The following CHD9 variants were observed in gnomAD, a reference collection of about 807,000 sequenced individuals.
The protein encoded by CHD9 is chromodomain helicase DNA binding protein 9.
Under a neutral mutation model 316.1 loss-of-function variants are expected in CHD9, and 77 were observed. The ratio of observed to expected loss-of-function variants is 0.24; its 90% CI spans 0.20 to 0.29. CHD9 has a LOEUF of 0.29. Among genes scored for constraint, CHD9 ranks in the 10% least tolerant of loss-of-function variants. The probability of loss-of-function intolerance (pLI) is 1.00; values close to 1 mark genes in which losing one functional copy is unlikely to be tolerated. For synonymous variants in CHD9, 1,129 were observed against 1,158.3 expected, an observed-to-expected ratio of 0.97 and a Z score of 0.51; for missense variants, 2,763 against 3,438.1, an observed-to-expected ratio of 0.80 and a Z score of 4.91.
chr16:53,315,477 T>C (rs1010437774), intron 36 of CHD9, among the ~76,000 whole-genome samples: 1 of 152,168 alleles, frequency 6.6e-6, no homozygotes, highest in Non-Finnish European at 1.5e-5. Context: ...GGCATTGTTA[T>C]AACTGTTTTT....
intron 8 of CHD9, among the ~76,000 whole-genome samples, chr16:53,230,834 G>GA (rs1406837526): frequency 2.6e-5 from 4 of 152,112 alleles, no homozygotes. Flanking sequence ...TGACTTACTC[G>GA]ATGTAGAGGG....
At chr16:53,287,076 A>C (rs538072385) in intron 26 of CHD9, among the ~76,000 whole-genome samples, 1 of 152,192 alleles carries the variant, frequency 6.6e-6, no homozygotes, top group African/African-American at 2.4e-5. Context: ...CCTCCCACTT[A>C]GTCTCCTGAG....
At chr16:53,083,909 C>A (rs1373619867) in intron 1 of CHD9, among the ~76,000 whole-genome samples, 1 of 151,832 alleles carries the variant, frequency 6.6e-6, no homozygotes, top group Non-Finnish European at 1.5e-5. Context: ...CATCACTATG[C>A]CCAACTAATT....
At chr16:53,102,841 C>A (rs1054707189) in intron 1 of CHD9, among the ~76,000 whole-genome samples, 3 of 151,954 alleles carry the variant, frequency 2.0e-5, no homozygotes, top group East Asian at 3.9e-4. Flanking sequence ...CAGAGTGAGA[C>A]CCTGTCTCTT....
chr16:53,176,231 T>C (rs1184809090), intron 2 of CHD9, among the ~76,000 whole-genome samples: 1 of 152,260 alleles, frequency 6.6e-6, no homozygotes, highest in Non-Finnish European at 1.5e-5. Flanking sequence ...CCACATTCTG[T>C]GGCTTGTGGC....
At chr16:53,208,949 A>G (rs921761905) in intron 2 of CHD9, among the ~76,000 whole-genome samples, 3 of 152,200 alleles carry the variant, frequency 2.0e-5, no homozygotes, top group African/African-American at 7.2e-5. Context: ...AACTTTCTCT[A>G]ATTTTAAGTA....
intron 11 of CHD9, among the ~76,000 whole-genome samples, chr16:53,235,819 T>C (rs1012622578): frequency 6.6e-6 from 1 of 152,170 alleles, no homozygotes; most frequent in South Asian, 2.1e-4. Context: ...CCTTATAGAA[T>C]ATCTTACATT....
At chr16:53,205,526 T>C (rs571335922) in intron 2 of CHD9, among the ~76,000 whole-genome samples, 4 of 152,292 alleles carry the variant, frequency 2.6e-5, no homozygotes, top group African/African-American at 9.6e-5. Flanking sequence ...TGTGTGTGAA[T>C]TGGGAAATGA....
intron 30 of CHD9, 122 bp from the exon 31 acceptor site, chr16:53,303,598 T>C (rs1314298779): frequency 4.4e-6 from 3 of 675,104 alleles, no homozygotes; most frequent in Admixed American, 7.5e-5. Context: ...TACAGTGATA[T>C]TGCATGGAGG....
At chr16:53,113,420 C>A (rs1162865599) in intron 1 of CHD9, among the ~76,000 whole-genome samples, 1 of 125,320 alleles carries the variant, frequency 8.0e-6, no homozygotes. Context: ...TCAAGCAATT[C>A]TCCTGCCTCA....
intron 29 of CHD9, among the ~76,000 whole-genome samples, chr16:53,296,269 G>A (rs1465329394): frequency 6.6e-6 from 1 of 151,942 alleles, no homozygotes; most frequent in Non-Finnish European, 1.5e-5. Flanking sequence ...TTTTCCTGAA[G>A]GGCAGGATCA....
chr16:53,242,897 AT>A lies in CHD9; in HGVS notation c.2937del (p.Gly981GlufsTer14). 6.2e-7 allele frequency: 1 copy of A among 1,613,606 alleles called. No individual in the cohort carries two copies. The highest frequency in any genetic ancestry group is 8.5e-7 in the Non-Finnish European group (1 of 1,179,648). On this transcript the variant is annotated frameshift_variant, in exon 13 of 39. Transcript: ENST00000447540. LOFTEE classifies it high-confidence loss of function. ...FQAIITTFEM[I>X]LGGCGELNAI... ...AGCCATCATCACCACTTTTGAAATG[AT>A]TCTTGGAGGCTGTGGAGAGCTTAAT...
rs546261907 is a variant in CHD9, at chr16:53,325,029, C to G, written c.*134C>G. The G allele has an allele frequency of 1.4e-6, 1 of 725,306 alleles. No homozygotes were observed. Among genetic ancestry groups the G allele is most frequent in the African/African-American group, 1.8e-5 (1 of 56,448 alleles). The allele number at this position is 725,306 out of a possible 1,614,324, so 44.9% of individuals were successfully genotyped here. ...TCAGTTATTTGTTTAGAAGTGCAAA[C>G]TGCTTTCAGAGACTTTTTGCATGTA... On this transcript the variant is annotated 3_prime_UTR_variant, in exon 39 of 39. Coordinates refer to ENST00000447540, the MANE Select transcript of CHD9 (RefSeq NM_001308319.2).
chr16:53,285,155 G>A (rs944398609), intron 24 of CHD9, among the ~76,000 whole-genome samples: 1 of 152,142 alleles, frequency 6.6e-6, no homozygotes, highest in Non-Finnish European at 1.5e-5. Flanking sequence ...TAGTGGTCTA[G>A]AGGAGCTATT....
chr16:53,289,560 G>C (rs1052569565), intron 27 of CHD9, among the ~76,000 whole-genome samples: 1 of 152,176 alleles, frequency 6.6e-6, no homozygotes, highest in South Asian at 2.1e-4. Context: ...TAATGGATTC[G>C]TCTGGACCAA....
chr16:53,068,738 C>T (rs1260885118), intron 1 of CHD9, among the ~76,000 whole-genome samples: 2 of 152,204 alleles, frequency 1.3e-5, no homozygotes, highest in Non-Finnish European at 2.9e-5. Context: ...CCTGCACACA[C>T]TGGGCTCAGT....
At chr16:53,142,136 A>G (rs576070829) in intron 1 of CHD9, among the ~76,000 whole-genome samples, 4 of 152,354 alleles carry the variant, frequency 2.6e-5, no homozygotes, top group South Asian at 4.1e-4. Flanking sequence ...TACATTCAAT[A>G]CTATTAGATA....
chr16:53,271,784 G>C (rs1270231302), intron 22 of CHD9, among the ~76,000 whole-genome samples: 2 of 151,968 alleles, frequency 1.3e-5, no homozygotes, highest in Non-Finnish European at 2.9e-5. Context: ...AAATGAAAAA[G>C]TAAAAAGAAG....
intron 12 of CHD9, 46 bp from the exon 13 acceptor site, chr16:53,242,794 T>G (rs767843632): frequency 6.6e-7 from 1 of 1,520,008 alleles, no homozygotes; most frequent in Non-Finnish European, 9.0e-7. Context: ...ATAAAAAATA[T>G]GCAATTAAAA....
Sources: allele counts gnomAD v4.1 joint callset (sites outside exome capture counted in the v4.1 genomes callset), GRCh38; gene constraint gnomAD v4.1.1; transcripts MANE v1.5; gene names NCBI Gene and HGNC (gene_info 2026-07-23, HGNC 2026-07-21).